The following MGAT4C variants were observed in gnomAD, a reference collection of about 807,000 sequenced individuals.
The protein encoded by MGAT4C is MGAT4 family member C.
In MGAT4C, 19 loss-of-function variants were observed where a neutral mutation model predicts 40.1. That is an observed-to-expected ratio of 0.47 (90% CI 0.33 to 0.70). The LOEUF is 0.70. Ranked by LOEUF, MGAT4C falls within the 30% of genes least tolerant of loss-of-function variation. The pLI is 0.02. For missense variants in MGAT4C, 491 were observed against 563.2 expected, an observed-to-expected ratio of 0.87 and a Z score of 1.30; for synonymous variants, 181 against 187.1, an observed-to-expected ratio of 0.97 and a Z score of 0.27.
At chr12:86,269,536 T>C (rs1296162767) in intron 4 of MGAT4C, among the ~76,000 whole-genome samples, 1 of 151,846 alleles carries the variant, frequency 6.6e-6, no homozygotes, top group East Asian at 1.9e-4. Context: ...TTAACTGAAT[T>C]ATAAACTCTC....
intron 2 of MGAT4C, among the ~76,000 whole-genome samples, chr12:86,506,858 G>C (rs1159049397): frequency 6.6e-6 from 1 of 152,132 alleles, no homozygotes; most frequent in Non-Finnish European, 1.5e-5. Context: ...CAGAAAGAAG[G>C]GGTAAGGCTA....
At chr12:86,174,045 G>A (rs1207288570) in intron 1 of MGAT4C, among the ~76,000 whole-genome samples, 3 of 151,338 alleles carry the variant, frequency 2.0e-5, no homozygotes, top group Non-Finnish European at 4.4e-5. Flanking sequence ...TTTAGTAAAT[G>A]CCCCAAATGC....
chr12:86,295,373 G>C (rs1357204786), intron 4 of MGAT4C, among the ~76,000 whole-genome samples: 1 of 152,116 alleles, frequency 6.6e-6, no homozygotes, highest in African/African-American at 2.4e-5. Flanking sequence ...GCAGACCCTC[G>C]CGGTGAGTGT....
At chr12:86,662,829 G>A (rs907872505) in intron 2 of MGAT4C, among the ~76,000 whole-genome samples, 31 of 152,238 alleles carry the variant, frequency 2.0e-4, no homozygotes, top group Non-Finnish European at 4.0e-4. Flanking sequence ...AAGGCCACAA[G>A]TAAGCCAATT....
At chr12:86,672,532 C>T (rs147949581) in intron 2 of MGAT4C, among the ~76,000 whole-genome samples, 11 of 151,834 alleles carry the variant, frequency 7.2e-5, no homozygotes, top group African/African-American at 2.4e-4. Context: ...AACCTTTACC[C>T]ATTCAAAGAA....
chr12:86,110,035 T>G (rs1468932679), intron 1 of MGAT4C, among the ~76,000 whole-genome samples: 1 of 151,100 alleles, frequency 6.6e-6, no homozygotes, highest in Non-Finnish European at 1.5e-5. Flanking sequence ...GCAAAGGCCC[T>G]GTAAAAGTTA....
At chr12:86,068,507 T>A (rs952133128) in intron 1 of MGAT4C, 1 of 150,240 alleles carries the variant, frequency 6.7e-6, no homozygotes. Context: ...GCTTCTGTTT[T>A]CTTTTTTAGG....
At chr12:86,690,373 C>G (rs1420601992) in intron 2 of MGAT4C, among the ~76,000 whole-genome samples, 1 of 152,158 alleles carries the variant, frequency 6.6e-6, no homozygotes, top group East Asian at 1.9e-4. Context: ...GAAAAAGACT[C>G]CTGCAGCTAG....
At position 86,669,795 on chromosome 12, in the gene MGAT4C, A is replaced by G. The variant is rs74997552; in HGVS notation, c.-229+57414T>C. 8.7e-3 allele frequency among the ~76,000 whole-genome samples: 1,323 copies of G among 152,354 alleles called. 8 individuals are homozygous for G. The highest frequency in any genetic ancestry group is 0.017 in the Middle Eastern group (5 of 294). On this transcript the variant is annotated intron_variant, in intron 2 of 7. Transcript: ENST00000548651. ...TTGCCTAGGCAGCAAAGAACTGCTT[A>G]CAGTAAACAAAGATCAAGAATATGC...
At chr12:86,266,125 T>C (rs1952781599) in intron 4 of MGAT4C, among the ~76,000 whole-genome samples, 1 of 152,300 alleles carries the variant, frequency 6.6e-6, no homozygotes, top group Non-Finnish European at 1.5e-5. Context: ...TGTATACCTT[T>C]TATTTCTTTC....
chr12:86,174,118 C>T (rs1310660457), intron 1 of MGAT4C, among the ~76,000 whole-genome samples: 1 of 92,340 alleles, frequency 1.1e-5, no homozygotes, highest in South Asian at 3.8e-4. Context: ...AAGACACACA[C>T]ACACATACAC....
rs774019465 is a variant in MGAT4C at position 86,134,217 on chromosome 12, G to A, written c.-56-84494C>T. 2.0e-5 allele frequency among the ~76,000 whole-genome samples: 3 copies of A among 151,960 alleles called. 1 individual carries two copies. Among genetic ancestry groups the A allele is most frequent in the African/African-American group, 4.8e-5 (2 of 41,410 alleles). On this transcript the variant is annotated intron_variant, in intron 1 of 4. Coordinates refer to ENST00000611864, the MANE Select transcript of MGAT4C (RefSeq NM_001351288.2). ...AATAATTCACAAACAGGATCCACAA[G>A]TTCCAAAATGTAATATTTTATTTGA...
At chr12:86,521,766 C>G (rs1165899898) in intron 2 of MGAT4C, among the ~76,000 whole-genome samples, 1 of 151,882 alleles carries the variant, frequency 6.6e-6, no homozygotes, top group African/African-American at 2.4e-5. Context: ...GGTTGTCATT[C>G]CTTTTTTTCC....
intron 1 of MGAT4C, among the ~76,000 whole-genome samples, chr12:86,155,324 T>A (rs1343450994): frequency 6.6e-6 from 1 of 152,114 alleles, no homozygotes; most frequent in Non-Finnish European, 1.5e-5. Context: ...TTTAGACATG[T>A]GTGTGGAAAA....
intron 1 of MGAT4C, among the ~76,000 whole-genome samples, chr12:86,235,489 T>C (rs1303184194): frequency 6.6e-6 from 1 of 152,052 alleles, no homozygotes; most frequent in Non-Finnish European, 1.5e-5. Context: ...TTTGTAATAG[T>C]TCCTCTCCTT....
intron 1 of MGAT4C, among the ~76,000 whole-genome samples, chr12:86,134,604 C>T (rs1409826818): frequency 2.0e-5 from 3 of 151,892 alleles, no homozygotes; most frequent in Non-Finnish European, 4.4e-5. Context: ...AGTAATAGTC[C>T]TGAACCCCAT....
chr12:86,524,814 G>A (rs1288528176), intron 2 of MGAT4C, among the ~76,000 whole-genome samples: 1 of 151,990 alleles, frequency 6.6e-6, no homozygotes, highest in Non-Finnish European at 1.5e-5. Flanking sequence ...CAGAAAGCCA[G>A]TATTCAGGCT....
intron 2 of MGAT4C, among the ~76,000 whole-genome samples, chr12:86,452,151 C>T (rs1957433179): frequency 6.6e-6 from 1 of 151,926 alleles, no homozygotes; most frequent in Admixed American, 6.6e-5. Flanking sequence ...TTCTGGCATC[C>T]CCACTGAAAG....
chr12:86,602,664 GT>G (rs746177392), intron 2 of MGAT4C, among the ~76,000 whole-genome samples: 1 of 152,090 alleles, frequency 6.6e-6, no homozygotes, highest in Non-Finnish European at 1.5e-5. Flanking sequence ...TTTTTTAAAT[GT>G]TTTCTGAACC....
Sources: gnomAD v4.1 joint callset for allele counts (sites outside exome capture counted in the v4.1 genomes callset) on GRCh38, gnomAD v4.1.1 for gene constraint, MANE v1.5 for transcripts, NCBI Gene and HGNC (gene_info 2026-07-23, HGNC 2026-07-21) for gene names.